Variants in TLL1 observed in about 807,000 individuals in gnomAD.
TLL1 encodes the protein tolloid-like protein 1.
A neutral mutation model predicts 128.2 loss-of-function variants in TLL1; 49 were observed. The observed-to-expected ratio is 0.38, with a 90% CI of 0.30 to 0.48. TLL1 has a LOEUF of 0.48. Among genes scored for constraint, TLL1 ranks in the 20% least tolerant of loss-of-function variants. TLL1 has a pLI of 0.96. For synonymous variants in TLL1, 454 were observed against 418.8 expected, an observed-to-expected ratio of 1.08 and a Z score of -1.03; for missense variants, 1,123 against 1,242.0, an observed-to-expected ratio of 0.90 and a Z score of 1.44.
chr4:166,003,289 G>A (rs969407598), intron 5 of TLL1, 102 bp from the exon 6 acceptor site: 21 of 1,173,126 alleles, frequency 1.8e-5, no homozygotes, highest in Middle Eastern at 2.3e-4. Flanking sequence ...TGAATGTGTC[G>A]GACTTTATAG....
intron 1 of TLL1, among the ~76,000 whole-genome samples, chr4:165,880,534 AT>A (rs922109289): frequency 2.0e-5 from 3 of 152,132 alleles, no homozygotes; most frequent in Non-Finnish European, 4.4e-5. Flanking sequence ...TAAATATATT[AT>A]TTTTTCCCAA....
chr4:166,079,261 T>G (rs1320099463), intron 18 of TLL1, among the ~76,000 whole-genome samples: 1 of 152,186 alleles, frequency 6.6e-6, no homozygotes, highest in African/African-American at 2.4e-5. Flanking sequence ...TTCATTTTCT[T>G]AAGAGAGTTG....
chr4:166,013,700 G>A (rs974362040), intron 7 of TLL1, among the ~76,000 whole-genome samples: 1 of 151,444 alleles, frequency 6.6e-6, no homozygotes, highest in Non-Finnish European at 1.5e-5. Flanking sequence ...GTATTTTTAG[G>A]GCACTATATT....
rs567656916 is a variant in TLL1 at position 166,090,638 on chromosome 4, C to CT, written c.2443-487dup. On this transcript the variant is annotated intron_variant, in intron 18 of 20. Transcript: ENST00000061240. ...CAAATATATAGTGAAAATTATTCTCCTTTCATTTATGCTATGAAGATTTGT... is the reference window on the plus strand; with the variant it reads ...CAAATATATAGTGAAAATTATTCTCCTTTTCATTTATGCTATGAAGATTTGT... Among the ~76,000 whole-genome samples the CT allele has an allele frequency of 2.8e-4, 42 of 152,046 alleles. No individual in the cohort carries two copies. In the South Asian group the frequency reaches 8.3e-3, roughly 30 times the overall value.
intron 1 of TLL1, among the ~76,000 whole-genome samples, chr4:165,962,385 C>T (rs1039120095): frequency 6.6e-5 from 10 of 152,202 alleles, no homozygotes; most frequent in Middle Eastern, 3.4e-3. Context: ...CATCTTACAC[C>T]ACTCATAATG....
rs1056376200 is a variant in TLL1, at chr4:166,101,174, T to G, written c.*298T>G. The G allele has an allele frequency of 1.1e-5, 4 of 357,010 alleles. No individual in the cohort carries two copies. Among genetic ancestry groups the G allele is most frequent in the Non-Finnish European group, 2.1e-5 (4 of 190,752 alleles). The allele number at this position is 357,010 out of a possible 1,614,324, so 22.1% of individuals were successfully genotyped here. A position where few individuals can be genotyped will look rare whatever the true frequency, so the allele number is the denominator to read the frequency against. The stretch of plus-strand genomic sequence containing the variant: ...ACAGCTTGAAATAGATGCCTCACAA[T>G]TCAGACAGTTTAATTCAGGAACTGT... On this transcript the variant is annotated 3_prime_UTR_variant, in exon 21 of 21. Transcript: ENST00000061240.
intron 1 of TLL1, among the ~76,000 whole-genome samples, chr4:165,928,348 C>A (rs1050197885): frequency 8.5e-5 from 13 of 152,208 alleles, no homozygotes; most frequent in African/African-American, 2.6e-4. Context: ...AATAACCATA[C>A]ACTGTTATAA....
At chr4:166,001,707 G>A (rs898737567) in intron 5 of TLL1, among the ~76,000 whole-genome samples, 1 of 150,678 alleles carries the variant, frequency 6.6e-6, no homozygotes, top group African/African-American at 2.4e-5. Flanking sequence ...GCTGTCAGGA[G>A]AATCACTTGA....
At chr4:165,959,549 A>C (rs1338446888) in intron 1 of TLL1, among the ~76,000 whole-genome samples, 1 of 152,152 alleles carries the variant, frequency 6.6e-6, no homozygotes, top group Non-Finnish European at 1.5e-5. Context: ...CATTCTTCTC[A>C]TCTCCACATG....
chr4:165,892,271 C>T (rs1246208664), intron 1 of TLL1, among the ~76,000 whole-genome samples: 2 of 152,204 alleles, frequency 1.3e-5, no homozygotes, highest in Non-Finnish European at 2.9e-5. Flanking sequence ...GGTGGGGACA[C>T]AACCAAACCA....
chr4:166,089,121 T>C (rs1030764322), intron 18 of TLL1, among the ~76,000 whole-genome samples: 9 of 152,198 alleles, frequency 5.9e-5, no homozygotes, highest in Non-Finnish European at 1.2e-4. Context: ...TCAAAAGAGA[T>C]ACTTGCTCAA....
rs1579486811 is a variant in TLL1, at chr4:165,919,437, C to A, written c.169+45364C>A. ...AATCAATATTACTTTGTCATTGGAA[C>A]TTAATAACTTAATTAAAATAATTTT... On this transcript the variant is annotated intron_variant, in intron 1 of 20. Coordinates refer to ENST00000061240, the MANE Select transcript of TLL1 (RefSeq NM_012464.5). Among the ~76,000 whole-genome samples, 2 of 148,518 alleles carry A rather than the reference C, an allele frequency of 1.3e-5. 1 individual carries two copies. Among genetic ancestry groups the A allele is most frequent in the South Asian group, 4.3e-4 (2 of 4,658 alleles).
chr4:166,031,226 A>G (rs1738751132), intron 9 of TLL1, among the ~76,000 whole-genome samples: 1 of 152,116 alleles, frequency 6.6e-6, no homozygotes, highest in Non-Finnish European at 1.5e-5. Flanking sequence ...AAATTCTGAA[A>G]GGCACACCTC....
At chr4:165,882,216 G>A (rs1162106026) in intron 1 of TLL1, among the ~76,000 whole-genome samples, 3 of 152,176 alleles carry the variant, frequency 2.0e-5, no homozygotes, top group Non-Finnish European at 4.4e-5. Context: ...GGTTTCCTAA[G>A]AGGAGGAAGT....
At chr4:166,039,857 T>C (rs188897790) in intron 10 of TLL1, among the ~76,000 whole-genome samples, 18 of 152,328 alleles carry the variant, frequency 1.2e-4, no homozygotes, top group African/African-American at 3.8e-4. Flanking sequence ...TAATGTAAAC[T>C]GTTAGGTACA....
intron 1 of TLL1, among the ~76,000 whole-genome samples, chr4:165,918,387 T>A (rs2110884336): frequency 6.6e-6 from 1 of 152,264 alleles, no homozygotes; most frequent in African/African-American, 2.4e-5. Flanking sequence ...AGATTTGTGG[T>A]TTTTAACACT....
chr4:166,074,958 C>T lies in TLL1; in HGVS notation c.2269C>T (p.Arg757Cys), dbSNP rs376797148. The T allele has an allele frequency of 5.0e-6, 8 of 1,613,416 alleles. No homozygotes were observed. Among genetic ancestry groups the T allele is most frequent in the South Asian group, 1.1e-5 (1 of 91,078 alleles). The stretch of plus-strand genomic sequence containing the variant: ...GATGGGGAGCTACATGTGTCAATGC[C>T]GTAATGGATTTGTGCTACATGACAA... ...NTMGSYMCQC[R>C]NGFVLHDNKH... The change falls in exon 17 of 21, where the codon CGT becomes TGT. Residue 757 changes from arginine (R) to cysteine (C), a missense_variant. Physicochemically the swap from Arg to Cys is radical, Grantham distance 180 (BLOSUM62 -3). Around this residue, in one of 3 missense-constraint regions of TLL1, gnomAD observed 634 missense variants for 672.4 expected, o/e 0.94. Transcript: ENST00000061240.
intron 7 of TLL1, among the ~76,000 whole-genome samples, chr4:166,012,310 T>C (rs1362172517): frequency 6.6e-6 from 1 of 151,488 alleles, no homozygotes; most frequent in African/African-American, 2.4e-5. Flanking sequence ...GAAGAATAAT[T>C]GTTAACTTCC....
chr4:166,047,233 C>T (rs537810066), intron 12 of TLL1, among the ~76,000 whole-genome samples: 3 of 151,460 alleles, frequency 2.0e-5, no homozygotes, highest in Non-Finnish European at 2.9e-5. Flanking sequence ...GGCGCGATCT[C>T]GGTTCACTGC....
Sources: allele counts gnomAD v4.1 joint callset (sites outside exome capture counted in the v4.1 genomes callset), GRCh38; gene constraint gnomAD v4.1.1; regional missense constraint gnomAD v4.1.1; transcripts MANE v1.5; gene names NCBI Gene and HGNC (gene_info 2026-07-23, HGNC 2026-07-21).